Variants in VPS35L observed in about 807,000 individuals in gnomAD.
VPS35L encodes the protein VPS35 endosomal protein-sorting factor-like.
VPS35L carries 83 observed loss-of-function variants against 133.0 expected under a neutral mutation model. The ratio of observed to expected loss-of-function variants is 0.62; its 90% confidence interval spans 0.52 to 0.75. The LOEUF (loss-of-function observed/expected upper bound fraction) is 0.75, where lower values mean the gene tolerates loss of function less well. Among genes scored for constraint, VPS35L ranks in the 30% least tolerant of loss-of-function variants. The pLI is 0.00. For synonymous variants in VPS35L, 423 were observed against 449.9 expected, an observed-to-expected ratio of 0.94 and a Z score of 0.76; for missense variants, 1,083 against 1,206.8, an observed-to-expected ratio of 0.90 and a Z score of 1.52.
intron 14 of VPS35L, among the ~76,000 whole-genome samples, chr16:19,621,190 C>G (rs566119920): frequency 1.3e-5 from 2 of 152,026 alleles, no homozygotes; most frequent in South Asian, 4.2e-4. Flanking sequence ...TAAGAGTATC[C>G]CATTGTGTAA....
At chr16:19,626,793 T>C (rs911473578) in intron 15 of VPS35L, among the ~76,000 whole-genome samples, 3 of 151,942 alleles carry the variant, frequency 2.0e-5, no homozygotes, top group African/African-American at 4.8e-5. Flanking sequence ...ATAATAATAG[T>C]TATTTCCCCA....
At chr16:19,597,372 GAAAA>G (rs5816061) in intron 8 of VPS35L, among the ~76,000 whole-genome samples, 1 of 135,546 alleles carries the variant, frequency 7.4e-6, no homozygotes, top group African/African-American at 2.6e-5. Context: ...TCAAAAAGAA[GAAAA>G]AAAAAAAAAG....
chr16:19,613,247 G>A (rs1972782606), intron 12 of VPS35L, among the ~76,000 whole-genome samples: 1 of 152,192 alleles, frequency 6.6e-6, no homozygotes, highest in African/African-American at 2.4e-5. Context: ...AGGTTGCAGT[G>A]AGCCAAGATC....
At chr16:19,671,771 C>T (rs1177204329) in intron 27 of VPS35L, among the ~76,000 whole-genome samples, 1 of 152,050 alleles carries the variant, frequency 6.6e-6, no homozygotes, top group Non-Finnish European at 1.5e-5. Flanking sequence ...AGCAAGACTC[C>T]ATCTCAAAAA....
chr16:19,679,146 G>A (rs918289793), intron 27 of VPS35L, among the ~76,000 whole-genome samples: 13 of 144,370 alleles, frequency 9.0e-5, no homozygotes, highest in Non-Finnish European at 1.8e-4. Context: ...GGGGGGCGGG[G>A]GTGGGGAGGC....
intron 28 of VPS35L, among the ~76,000 whole-genome samples, chr16:19,683,469 G>A (rs1485760898): frequency 1.3e-5 from 2 of 152,120 alleles, no homozygotes; most frequent in East Asian, 1.9e-4. Flanking sequence ...CACTCTAGTG[G>A]TCTCCAATGT....
At chr16:19,646,959 A>G (rs1253942550) in intron 23 of VPS35L, among the ~76,000 whole-genome samples, 1 of 152,238 alleles carries the variant, frequency 6.6e-6, no homozygotes, top group Non-Finnish European at 1.5e-5. Flanking sequence ...CTATTTTAAT[A>G]GAAAAGTCAG....
chr16:19,581,726 C>T (rs538116051), intron 7 of VPS35L, 73 bp downstream of exon 7: 1 of 1,520,496 alleles, frequency 6.6e-7, no homozygotes, highest in South Asian at 1.1e-5. Context: ...TTAGAGTTTT[C>T]AGGGGCCTAC....
intron 29 of VPS35L, among the ~76,000 whole-genome samples, chr16:19,696,528 G>T (rs78179060): frequency 1.3e-5 from 2 of 152,100 alleles, no homozygotes; most frequent in African/African-American, 4.8e-5. Flanking sequence ...GCCAAACCCC[G>T]AGAGCTTCCT....
chr16:19,692,273 A>G (rs1201662133), intron 29 of VPS35L, among the ~76,000 whole-genome samples: 2 of 152,158 alleles, frequency 1.3e-5, no homozygotes, highest in Non-Finnish European at 2.9e-5. Flanking sequence ...CGTCTCATGC[A>G]GAGCCCGGCC....
At chr16:19,573,446 G>A in intron 4 of VPS35L, 1 of 501,032 alleles carries the variant, frequency 2.0e-6, no homozygotes, top group Non-Finnish European at 3.4e-6. Context: ...AAAAAAAAAT[G>A]TTAAGGATCA....
intron 9 of VPS35L, among the ~76,000 whole-genome samples, chr16:19,605,158 G>A (rs1390456274): frequency 1.3e-5 from 2 of 152,082 alleles, no homozygotes; most frequent in African/African-American, 2.4e-5. Flanking sequence ...GAGACCTCTC[G>A]CTGCTAGGGT....
intron 26 of VPS35L, among the ~76,000 whole-genome samples, chr16:19,657,508 C>T (rs963743915): frequency 5.3e-5 from 8 of 152,278 alleles, no homozygotes; most frequent in Middle Eastern, 3.4e-3. Flanking sequence ...CTCCATTATG[C>T]TTATCACTGT....
chr16:19,627,303 C>A (rs941731339), intron 15 of VPS35L, among the ~76,000 whole-genome samples: 2 of 151,562 alleles, frequency 1.3e-5, no homozygotes, highest in East Asian at 1.9e-4. Flanking sequence ...ACAAAAAAAC[C>A]AAAACTCTTG....
At chr16:19,629,913 C>G in intron 18 of VPS35L, 93 bp downstream of exon 18, 1 of 1,152,590 alleles carries the variant, frequency 8.7e-7, no homozygotes, top group Non-Finnish European at 1.3e-6. Flanking sequence ...AGGCATTTGA[C>G]AACGGTACTT....
intron 9 of VPS35L, among the ~76,000 whole-genome samples, chr16:19,603,603 G>C (rs543406928): frequency 6.6e-6 from 1 of 152,294 alleles, no homozygotes; most frequent in South Asian, 2.1e-4. Flanking sequence ...TTTTTCAGCA[G>C]CTCCTCCTAT....
At chr16:19,688,112 A>G (rs1975527203) in intron 28 of VPS35L, among the ~76,000 whole-genome samples, 1 of 151,792 alleles carries the variant, frequency 6.6e-6, no homozygotes, top group East Asian at 2.0e-4. Flanking sequence ...TTTTTATTAG[A>G]GACAGGGTTT....
chr16:19,609,881 T>C (rs773461830), intron 11 of VPS35L, among the ~76,000 whole-genome samples: 4 of 152,136 alleles, frequency 2.6e-5, no homozygotes, highest in Non-Finnish European at 4.4e-5. Flanking sequence ...GTAATTCACA[T>C]TGTTGGTGGT....
At chr16:19,618,544 A>G (rs1972972484) in intron 14 of VPS35L, among the ~76,000 whole-genome samples, 1 of 152,140 alleles carries the variant, frequency 6.6e-6, no homozygotes, top group South Asian at 2.1e-4. Context: ...AGTTACACAC[A>G]TTGCTGTGTG....
Sources: allele counts gnomAD v4.1 joint callset (sites outside exome capture counted in the v4.1 genomes callset), GRCh38; gene constraint gnomAD v4.1.1; transcripts MANE v1.5; gene names NCBI Gene and HGNC (gene_info 2026-07-23, HGNC 2026-07-21).